The following TEX36 variants were observed in gnomAD, a reference collection of about 807,000 sequenced individuals.
The protein encoded by TEX36 is testis expressed 36, also known as testis-expressed protein 36.
Under a neutral mutation model 13.6 loss-of-function variants are expected in TEX36, and 12 were observed. The ratio of observed to expected loss-of-function variants is 0.88; its 90% CI spans 0.56 to 1.43. The LOEUF (loss-of-function observed/expected upper bound fraction) is 1.43, where lower values mean the gene tolerates loss of function less well. Among genes scored for constraint, TEX36 ranks in the 40% most tolerant of loss-of-function variants. TEX36 has a pLI of 0.00. For missense variants in TEX36, 224 were observed against 228.3 expected, an observed-to-expected ratio of 0.98 and a Z score of 0.12; for synonymous variants, 93 against 83.0, an observed-to-expected ratio of 1.12 and a Z score of -0.65.
At chr10:125,652,416 G>C (rs1846875330), downstream of TEX36, among the ~76,000 whole-genome samples, 1 of 152,166 alleles carries the variant, frequency 6.6e-6, no homozygotes, top group African/African-American at 2.4e-5. Context: ...AATGGTGATA[G>C]GAAAACTGGC....
At chr10:125,608,845 A>G (rs1846250481) in intron 3 of TEX36, among the ~76,000 whole-genome samples, 1 of 151,906 alleles carries the variant, frequency 6.6e-6, no homozygotes, top group Admixed American at 6.6e-5. Context: ...AAAAATTTTA[A>G]AAAGGGAGGC....
intron 3 of TEX36, among the ~76,000 whole-genome samples, chr10:125,583,134 A>G (rs1845903138): frequency 6.6e-6 from 1 of 152,250 alleles, no homozygotes; most frequent in Non-Finnish European, 1.5e-5. Context: ...CAAATCTGAC[A>G]ATCTGTCCAG....
intron 3 of TEX36, among the ~76,000 whole-genome samples, chr10:125,588,092 T>C (rs1746158205): frequency 6.6e-6 from 1 of 152,244 alleles, no homozygotes; most frequent in Non-Finnish European, 1.5e-5. Context: ...ACTTTGTAAA[T>C]ATATCACTTC....
intron 3 of TEX36, among the ~76,000 whole-genome samples, chr10:125,635,605 A>T (rs954260615): frequency 1.1e-4 from 17 of 152,160 alleles, no homozygotes; most frequent in African/African-American, 3.4e-4. Context: ...GGATGGGGGA[A>T]GTTCACCGTC....
intron 1 of TEX36, among the ~76,000 whole-genome samples, chr10:125,682,443 G>A (rs997468446): frequency 2.0e-5 from 3 of 152,182 alleles, no homozygotes; most frequent in African/African-American, 7.2e-5. Flanking sequence ...TGGATTGGGA[G>A]CCAACAAGAA....
chr10:125,622,600 T>A (rs951925057), intron 3 of TEX36, among the ~76,000 whole-genome samples: 5 of 152,238 alleles, frequency 3.3e-5, no homozygotes, highest in Admixed American at 3.3e-4. Flanking sequence ...TAGGCTGTAG[T>A]TTCCCATTGG....
chr10:125,643,543 A>G (rs527531661), intron 3 of TEX36, among the ~76,000 whole-genome samples: 8 of 152,130 alleles, frequency 5.3e-5, no homozygotes, highest in Non-Finnish European at 7.4e-5. Context: ...GGAGATTGAG[A>G]CCATCTGGTT....
At chr10:125,581,422 C>T (rs1006141414) in intron 3 of TEX36, among the ~76,000 whole-genome samples, 2 of 152,180 alleles carry the variant, frequency 1.3e-5, no homozygotes, top group South Asian at 2.1e-4. Context: ...CTGCGTAACT[C>T]GCCCCTCGGG....
chr10:125,621,909 T>C (rs1846433194), intron 3 of TEX36, among the ~76,000 whole-genome samples: 1 of 152,164 alleles, frequency 6.6e-6, no homozygotes, highest in Admixed American at 6.5e-5. Context: ...TCCACCTGCT[T>C]CGTTCTAGCC....
chr10:125,604,598 G>T (rs1406638776), intron 3 of TEX36, among the ~76,000 whole-genome samples: 2 of 152,168 alleles, frequency 1.3e-5, no homozygotes, highest in African/African-American at 2.4e-5. Context: ...CAGATCACAA[G>T]GTCAAGAGAT....
exon 4 of TEX36, chr10:125,576,648 C>T (rs1253245840): frequency 2.7e-5 from 38 of 1,414,024 alleles, no homozygotes; most frequent in East Asian, 1.8e-4. Context: ...TGGTTACTAA[C>T]TAGCTAGGCT....
At chr10:125,623,876 T>C (rs1262259253) in intron 3 of TEX36, among the ~76,000 whole-genome samples, 1 of 152,230 alleles carries the variant, frequency 6.6e-6, no homozygotes, top group African/African-American at 2.4e-5. Flanking sequence ...GTCGCCTCTT[T>C]GTTTTAGCTC....
rs76259247 is a variant in TEX36, at chr10:125,583,472, G to T, written c.265-6598C>A. ...GGTGGAAGAACAAAAGGTTCTTTTT[G>T]TTTTGAATGCTGCATGGATCCTCTT... On this transcript the variant is annotated intron_variant, in intron 3 of 3. Coordinates refer to the TEX36 transcript ENST00000532135. Among the ~76,000 whole-genome samples the T allele has an allele frequency of 4.9e-3, 741 of 152,302 alleles. 10 individuals are homozygous for T. Among genetic ancestry groups the T allele is most frequent in the African/African-American group, 0.016 (677 of 41,574 alleles).
intron 3 of TEX36, among the ~76,000 whole-genome samples, chr10:125,629,608 A>G (rs1456747195): frequency 2.0e-5 from 3 of 152,144 alleles, no homozygotes; most frequent in Non-Finnish European, 4.4e-5. Context: ...TAGCAGCTCT[A>G]TTTTTCTTAG....
At chr10:125,624,239 C>T (rs890197164) in intron 3 of TEX36, among the ~76,000 whole-genome samples, 5 of 152,194 alleles carry the variant, frequency 3.3e-5, no homozygotes, top group Admixed American at 6.5e-5. Flanking sequence ...CATTCACTAT[C>T]CCCCTAAGAA....
chr10:125,592,290 G>A (rs941860187), intron 3 of TEX36, among the ~76,000 whole-genome samples: 4 of 152,236 alleles, frequency 2.6e-5, no homozygotes, highest in African/African-American at 7.2e-5. Flanking sequence ...GAAGCCAGAC[G>A]TGCGTTAGGC....
chr10:125,608,255 G>T lies in TEX36; in HGVS notation c.265-31381C>A, dbSNP rs182037149. Among the ~76,000 whole-genome samples the T allele has an allele frequency of 4.8e-4, 67 of 138,942 alleles. No individual in the cohort carries two copies. In the East Asian group the frequency reaches 9.4e-3, roughly 20 times the overall value. 91.2% of individuals were successfully genotyped at this position (138,942 alleles called of 152,430 possible). ...GGTCTTAGAGGGGAGTTTGTGGGTG[G>T]TGGAAATGTCCTATAGATTGTGATG... On this transcript the variant is annotated intron_variant, in intron 3 of 3. Transcript: ENST00000532135.
At chr10:125,634,580 G>A (rs1422364164) in intron 3 of TEX36, among the ~76,000 whole-genome samples, 1 of 152,168 alleles carries the variant, frequency 6.6e-6, no homozygotes, top group African/African-American at 2.4e-5. Context: ...AAAAACTGAA[G>A]CATTCTTTTC....
intron 3 of TEX36, among the ~76,000 whole-genome samples, chr10:125,650,155 C>CATCT (rs1247127743): frequency 6.6e-6 from 1 of 152,236 alleles, no homozygotes; most frequent in Non-Finnish European, 1.5e-5. Flanking sequence ...ACCTAATAGA[C>CATCT]ATCTACAGAA....
Sources: gnomAD v4.1 joint callset for allele counts (sites outside exome capture counted in the v4.1 genomes callset) on GRCh38, gnomAD v4.1.1 for gene constraint, MANE v1.5 for transcripts, NCBI Gene and HGNC (gene_info 2026-07-23, HGNC 2026-07-21) for gene names.